The following TRIO variants were observed in gnomAD, a reference collection of about 807,000 sequenced individuals.
TRIO encodes triple functional domain protein.
In TRIO, 58 loss-of-function variants were observed where a neutral mutation model predicts 351.9. The ratio of observed to expected loss-of-function variants is 0.16; its 90% CI spans 0.13 to 0.21. TRIO has a LOEUF of 0.21. TRIO is among the 10% of genes least tolerant of loss of function. The pLI, the probability that TRIO is intolerant of heterozygous loss-of-function variation, is 1.00. For missense variants in TRIO, 3,201 were observed against 4,027.8 expected, an observed-to-expected ratio of 0.79 and a Z score of 5.56; for synonymous variants, 1,758 against 1,595.7, an observed-to-expected ratio of 1.10 and a Z score of -2.42.
chr5:14,328,179 A>T (rs931509250), intron 9 of TRIO, among the ~76,000 whole-genome samples: 1 of 152,210 alleles, frequency 6.6e-6, no homozygotes, highest in Non-Finnish European at 1.5e-5. Flanking sequence ...CAAAGCACTC[A>T]ATACACCAGT....
chr5:14,154,221 G>T (rs971899058), intron 1 of TRIO, among the ~76,000 whole-genome samples: 11 of 152,054 alleles, frequency 7.2e-5, no homozygotes, highest in Non-Finnish European at 1.3e-4. Context: ...TGGGGGTTGG[G>T]AGTACGGGAA....
intron 36 of TRIO, 89 bp from the exon 37 acceptor site, chr5:14,465,456 A>G: frequency 7.9e-7 from 1 of 1,266,092 alleles, no homozygotes; most frequent in African/African-American, 1.5e-5. Context: ...CTTTCACAAG[A>G]GATGGAGCTT....
chr5:14,303,492 A>G (rs171562), intron 7 of TRIO, among the ~76,000 whole-genome samples: 5 of 129,748 alleles, frequency 3.9e-5, no homozygotes, highest in South Asian at 5.4e-4. Context: ...CTGGAGATGG[A>G]GGGTGGCAGT....
chr5:14,334,118 C>T (rs755931775), intron 10 of TRIO, among the ~76,000 whole-genome samples: 14 of 152,334 alleles, frequency 9.2e-5, no homozygotes, highest in African/African-American at 1.4e-4. Flanking sequence ...TCGATTTCCT[C>T]GCCTGTGAAA....
chr5:14,498,523 C>T lies in TRIO; in HGVS notation c.8215C>T (p.Leu2739=), dbSNP rs1561563818. 2 of 1,614,010 alleles carry T rather than the reference C, an allele frequency of 1.2e-6. No homozygotes were observed. Among genetic ancestry groups the T allele is most frequent in the East Asian group, 2.2e-5 (1 of 44,874 alleles). ...DGHYSISYSD[L]GEATLKIVGV... ...GTGTTCCCATCTGTGCCGCAGTGAC[C>T]TGGGAGAGGCCACGCTGAAGATTGT... is the stretch of plus-strand genomic sequence containing the variant. Residue 2739 remains leucine (L), a synonymous_variant, in exon 53 of 57, where the codon CTG becomes TTG. Coordinates refer to ENST00000344204, the MANE Select transcript of TRIO (RefSeq NM_007118.4).
At chr5:14,159,328 A>C (rs1260328486) in intron 1 of TRIO, among the ~76,000 whole-genome samples, 2 of 152,034 alleles carry the variant, frequency 1.3e-5, no homozygotes, top group Non-Finnish European at 2.9e-5. Flanking sequence ...AGTCAAAAAA[A>C]AAAAAAAAGA....
intron 1 of TRIO, among the ~76,000 whole-genome samples, chr5:14,146,915 C>T (rs2152112833): frequency 6.6e-6 from 1 of 152,330 alleles, no homozygotes; most frequent in African/African-American, 2.4e-5. Context: ...TGCTCAGGAC[C>T]TTGGCACTCC....
Position 14,180,100 on chromosome 5 carries a change from C to CAAAAAAAAAAA in TRIO, c.157+36236_157+36246dup, listed in dbSNP as rs70964542. On this transcript the variant is annotated intron_variant, in intron 1 of 56. Coordinates refer to ENST00000344204, the MANE Select transcript of TRIO (RefSeq NM_007118.4). Reference sequence around the variant, plus strand: ...TGGGTGACAGAGCAGGACTCCTGCTCAAAAAAAAAAAAAAAAAAAAAAAAA... The same window carrying CAAAAAAAAAAA: ...TGGGTGACAGAGCAGGACTCCTGCTCAAAAAAAAAAAAAAAAAAAAAAAAAAAAAAAAAAAA... Among the ~76,000 whole-genome samples the CAAAAAAAAAAA allele has an allele frequency of 2.2e-4, 6 of 27,746 alleles. 1 individual carries two copies. Among genetic ancestry groups the CAAAAAAAAAAA allele is most frequent in the Non-Finnish European group, 3.5e-4 (5 of 14,246 alleles). 18.2% of individuals were successfully genotyped at this position (27,746 alleles called of 152,430 possible). A position where few individuals can be genotyped will look rare whatever the true frequency, so the allele number is the denominator to read the frequency against.
chr5:14,390,138 T>C (rs1420246346), intron 25 of TRIO, 93 bp from the exon 26 acceptor site: 8 of 1,154,160 alleles, frequency 6.9e-6, no homozygotes, highest in East Asian at 2.4e-5. Flanking sequence ...GTTCATTCTT[T>C]AGGGGGCACA....
chr5:14,178,914 G>A (rs1248924977), intron 1 of TRIO, among the ~76,000 whole-genome samples: 2 of 152,122 alleles, frequency 1.3e-5, no homozygotes, highest in African/African-American at 2.4e-5. Flanking sequence ...TGGCTGAATC[G>A]CTCATTTTGT....
chr5:14,271,029 A>G (rs1281116609), intron 2 of TRIO, 130 bp downstream of exon 2: 1 of 688,730 alleles, frequency 1.5e-6, no homozygotes, highest in Non-Finnish European at 2.5e-6. Context: ...GAATGGCTTT[A>G]TTCTTGTAGC....
chr5:14,353,009 G>A (rs1026028284), intron 11 of TRIO, among the ~76,000 whole-genome samples: 3 of 152,168 alleles, frequency 2.0e-5, no homozygotes, highest in East Asian at 3.9e-4. Context: ...ATTCTAGCAC[G>A]TTTTCCTCAT....
At chr5:14,445,113 C>G (rs922634160) in intron 34 of TRIO, among the ~76,000 whole-genome samples, 8 of 152,112 alleles carry the variant, frequency 5.3e-5, no homozygotes, top group Non-Finnish European at 1.0e-4. Context: ...TCCAGGTGCT[C>G]AAAGTTGGCC....
rs570608046 is a variant in TRIO at position 14,412,216 on chromosome 5, G to C, written c.4959+5544G>C. Among the ~76,000 whole-genome samples the C allele has an allele frequency of 1.4e-3, 207 of 152,212 alleles. 4 individuals are homozygous for C. In the South Asian group the frequency reaches 0.028, roughly 20 times the overall value. On this transcript the variant is annotated intron_variant, in intron 33 of 56. Coordinates refer to ENST00000344204, the MANE Select transcript of TRIO (RefSeq NM_007118.4). Reference sequence around the variant, plus strand: ...TTGGCCAGGCTGGTCTCGAACTCCTGACCCCAGGTGATCCACCTGCCTCGG... The same window carrying C: ...TTGGCCAGGCTGGTCTCGAACTCCTCACCCCAGGTGATCCACCTGCCTCGG...
chr5:14,403,714 G>A (rs1159265801), intron 31 of TRIO, among the ~76,000 whole-genome samples: 1 of 141,064 alleles, frequency 7.1e-6, no homozygotes, highest in East Asian at 2.2e-4. Context: ...TGGTGAGGGT[G>A]TAGGTTGTGG....
Position 14,477,187 on chromosome 5 carries a change from TACAGGTTGGTGAGAGAAG to T in TRIO, c.6153+227_6153+244del, listed in dbSNP as rs1755147497. The stretch of plus-strand genomic sequence containing the variant: ...AAGCTGGCTATTTGGCTAGCAACAG[TACAGGTTGGTGAGAGAAG>T]ACCAGAGCCAGGCCTGAACAGTATC... On this transcript the variant is annotated intron_variant, in intron 41 of 56. Transcript: ENST00000344204. 6.1e-6 allele frequency: 3 copies of T among 491,734 alleles called. No homozygotes were observed. In the East Asian group the frequency reaches 1.0e-4, roughly 17 times the overall value. 30.5% of individuals were successfully genotyped at this position (491,734 alleles called of 1,614,324 possible). A position where few individuals can be genotyped will look rare whatever the true frequency, so the allele number is the denominator to read the frequency against.
chr5:14,336,446 A>T lies in TRIO; in HGVS notation c.1855-90A>T, dbSNP rs569688017. The T allele has an allele frequency of 3.8e-6, 5 of 1,305,982 alleles. No individual in the cohort carries two copies. The South Asian group carries it at 4.2e-5, about 11-fold the overall frequency. 80.9% of individuals were successfully genotyped at this position (1,305,982 alleles called of 1,614,324 possible). A position where few individuals can be genotyped will look rare whatever the true frequency, so the allele number is the denominator to read the frequency against. On this transcript the variant is annotated intron_variant, in intron 10 of 56. Transcript: ENST00000344204. ...ATGTAAGTGATCAAAAATATCACAA[A>T]TTGACTGTGTTGCTATATATTATGG... is the stretch of plus-strand genomic sequence containing the variant.
chr5:14,209,294 G>A (rs999742624), intron 1 of TRIO, among the ~76,000 whole-genome samples: 1 of 152,146 alleles, frequency 6.6e-6, no homozygotes, highest in South Asian at 2.1e-4. Flanking sequence ...CATCCTTTAT[G>A]TCAGGAACTA....
intron 23 of TRIO, 169 bp downstream of exon 23, chr5:14,388,016 C>CT (rs1170809468): frequency 1.3e-5 from 8 of 613,532 alleles, no homozygotes; most frequent in Middle Eastern, 4.4e-4. Flanking sequence ...TCACTGTCCT[C>CT]TTATCACCTG....
Sources: gnomAD v4.1 joint callset for allele counts (sites outside exome capture counted in the v4.1 genomes callset) on GRCh38, gnomAD v4.1.1 for gene constraint, MANE v1.5 for transcripts, NCBI Gene and HGNC (gene_info 2026-07-23, HGNC 2026-07-21) for gene names.